EPB41: variants seen among roughly 807,000 people sequenced by gnomAD.
EPB41 encodes the protein protein 4.1.
Under a neutral mutation model 108.0 loss-of-function variants are expected in EPB41, and 65 were observed. That is an observed-to-expected ratio of 0.60 (90% CI 0.49 to 0.74). The LOEUF (loss-of-function observed/expected upper bound fraction) is 0.74, where lower values mean the gene tolerates loss of function less well. Ranked by LOEUF, EPB41 falls within the 30% of genes least tolerant of loss-of-function variation. The pLI, the probability that EPB41 is intolerant of heterozygous loss-of-function variation, is 0.00. For synonymous variants in EPB41, 336 were observed against 358.9 expected (o/e 0.94, Z 0.72); for missense variants, 875 against 1,037.0 (o/e 0.84, Z 2.15).
At chr1:28,929,867 T>TTTTA (rs1553170948) in intron 1 of EPB41, among the ~76,000 whole-genome samples, 1 of 136,328 alleles carries the variant, frequency 7.3e-6, no homozygotes, top group East Asian at 2.3e-4. Flanking sequence ...TTTTTTTTTT[T>TTTTA]AAAGACTTTA....
chr1:28,957,825 T>G (rs2149076935), intron 1 of EPB41, among the ~76,000 whole-genome samples: 1 of 152,302 alleles, frequency 6.6e-6, no homozygotes. Flanking sequence ...CCTGTGCTTC[T>G]CCTCCAATTC....
rs1048581070 is a variant in EPB41, at chr1:29,053,760, C to T, written c.1845+448C>T. 5.3e-5 allele frequency: 9 copies of T among 170,934 alleles called. No individual in the cohort carries two copies. In the South Asian group the frequency reaches 6.4e-4, roughly 12 times the overall value. The allele number at this position is 170,934 out of a possible 1,614,324, so 10.6% of individuals were successfully genotyped here. The stretch of plus-strand genomic sequence containing the variant: ...ATTTTTAGTAGAGACGGGGTTTCAC[C>T]GTGTTAGCCAGGATGGTCTTGATCT... On this transcript the variant is annotated intron_variant, in intron 12 of 20. Coordinates refer to ENST00000343067, the MANE Select transcript of EPB41 (RefSeq NM_001376013.1).
intron 1 of EPB41, among the ~76,000 whole-genome samples, chr1:28,960,134 G>A (rs2930840): frequency 4.4e-4 from 66 of 151,028 alleles, no homozygotes; most frequent in African/African-American, 1.5e-3. Flanking sequence ...TCCCAGAAGC[G>A]GAGACTACAG....
chr1:29,085,140 TC>T (rs1658253551), intron 16 of EPB41, among the ~76,000 whole-genome samples: 1 of 148,248 alleles, frequency 6.7e-6, no homozygotes. Context: ...ACTTTGATCT[TC>T]TTTTTTTTTT....
intron 5 of EPB41, among the ~76,000 whole-genome samples, chr1:29,013,620 A>G (rs897221996): frequency 1.1e-4 from 17 of 151,874 alleles, no homozygotes; most frequent in Admixed American, 4.6e-4. Context: ...TCCACCTCCT[A>G]GGTTCAAATG....
chr1:29,094,848 A>G (rs1157649205), intron 16 of EPB41, among the ~76,000 whole-genome samples: 3 of 152,086 alleles, frequency 2.0e-5, no homozygotes, highest in Non-Finnish European at 4.4e-5. Context: ...CTTGGTTCCA[A>G]GACCTCCCCT....
chr1:28,900,779 C>T (rs559843180), intron 1 of EPB41, among the ~76,000 whole-genome samples: 5 of 152,250 alleles, frequency 3.3e-5, no homozygotes, highest in African/African-American at 1.2e-4. Flanking sequence ...CAGGCAAGTC[C>T]ATCAAGCACA....
intron 1 of EPB41, among the ~76,000 whole-genome samples, chr1:28,931,101 A>T (rs2093718517): frequency 6.6e-6 from 1 of 152,150 alleles, no homozygotes; most frequent in Non-Finnish European, 1.5e-5. Flanking sequence ...TACATATTTT[A>T]AAAAGCTGAA....
In EPB41 at chr1:29,058,834, T is replaced by C. The variant is rs372522973; in HGVS notation, c.1926T>C (p.Asp642=). The change falls in exon 14 of 21, where the codon GAT becomes GAC. Residue 642 remains aspartate (D), a synonymous_variant. Transcript: ENST00000343067. ...QTQKLAEKTE[D]LIRMRKKKRE... The stretch of plus-strand genomic sequence containing the variant: ...AGAAGCTTGCAGAAAAAACTGAAGA[T>C]CTGATAAGAATGAGGAAGGTTAGCC... The C allele has an allele frequency of 1.9e-6, 3 of 1,550,134 alleles. No individual in the cohort carries two copies. Among genetic ancestry groups the C allele is most frequent in the Non-Finnish European group, 2.6e-6 (3 of 1,146,624 alleles).
chr1:28,982,661 A>G, intron 1 of EPB41: 1 of 809,878 alleles, frequency 1.2e-6, no homozygotes. Flanking sequence ...ATGGTTTTTG[A>G]TTGATCTTAA....
At chr1:28,981,449 G>A (rs992631816) in intron 1 of EPB41, among the ~76,000 whole-genome samples, 6 of 152,222 alleles carry the variant, frequency 3.9e-5, no homozygotes, top group Admixed American at 6.5e-5. Flanking sequence ...GGTGATGTAA[G>A]ACTTCAAAAT....
intron 16 of EPB41, among the ~76,000 whole-genome samples, chr1:29,066,148 C>T (rs1381851687): frequency 1.2e-4 from 18 of 151,962 alleles, no homozygotes; most frequent in African/African-American, 4.4e-4. Context: ...GGGCCGGGCG[C>T]GGTGGCTCAC....
intron 9 of EPB41, 101 bp from the exon 10 acceptor site, chr1:29,035,725 C>A: frequency 1.2e-6 from 1 of 868,726 alleles, no homozygotes. Flanking sequence ...GTAACAATGG[C>A]CTCTTCTGTG....
At chr1:29,005,936 C>G (rs943943109) in intron 4 of EPB41, among the ~76,000 whole-genome samples, 2 of 152,142 alleles carry the variant, frequency 1.3e-5, no homozygotes, top group African/African-American at 4.8e-5. Context: ...AATGCACAAG[C>G]TTAAATTCTG....
chr1:28,959,807 C>T (rs1160521627), intron 1 of EPB41, among the ~76,000 whole-genome samples: 1 of 151,518 alleles, frequency 6.6e-6, no homozygotes, highest in Non-Finnish European at 1.5e-5. Context: ...TATGTTCTTC[C>T]TTGCTCTCTT....
At chr1:28,949,667 A>G (rs2094628917) in intron 1 of EPB41, among the ~76,000 whole-genome samples, 1 of 151,672 alleles carries the variant, frequency 6.6e-6, no homozygotes, top group South Asian at 2.1e-4. Context: ...GCAGTGGTGC[A>G]ATCTCGGATC....
rs1204868704 is a variant in EPB41, at chr1:29,118,269, A to T, written c.*1457A>T. 3 of 152,024 alleles carry T rather than the reference A, an allele frequency of 2.0e-5. No individual in the cohort carries two copies. Among genetic ancestry groups the T allele is most frequent in the African/African-American group, 4.8e-5 (2 of 41,368 alleles). 9.4% of individuals were successfully genotyped at this position (152,024 alleles called of 1,614,324 possible). On this transcript the variant is annotated 3_prime_UTR_variant, in exon 21 of 21. Coordinates refer to ENST00000343067, the MANE Select transcript of EPB41 (RefSeq NM_001376013.1). Reference sequence around the variant, plus strand: ...ATGACAGGCGCACACCACCACGCCCAGCAAATTTTTTGTATTTTTAGTAGA... The same window carrying T: ...ATGACAGGCGCACACCACCACGCCCTGCAAATTTTTTGTATTTTTAGTAGA...
intron 1 of EPB41, among the ~76,000 whole-genome samples, chr1:28,947,547 C>T (rs769061540): frequency 2.6e-4 from 40 of 152,058 alleles, no homozygotes; most frequent in Non-Finnish European, 2.5e-4. Context: ...AGTTATTCAG[C>T]GGGGTGTGGT....
At chr1:29,095,514 T>C (rs1662887240) in intron 16 of EPB41, among the ~76,000 whole-genome samples, 1 of 152,204 alleles carries the variant, frequency 6.6e-6, no homozygotes, top group Non-Finnish European at 1.5e-5. Context: ...GTTTTACCTG[T>C]AATCCCAGCA....
Sources: allele counts gnomAD v4.1 joint callset (sites outside exome capture counted in the v4.1 genomes callset), GRCh38; gene constraint gnomAD v4.1.1; transcripts MANE v1.5; gene names NCBI Gene and HGNC (gene_info 2026-07-23, HGNC 2026-07-21).